The following DARS2 variants were observed in gnomAD, a reference collection of about 807,000 sequenced individuals.
The protein encoded by DARS2 is aspartyl-tRNA synthetase 2, mitochondrial, also known as aspartate--tRNA ligase, mitochondrial.
DARS2 carries 63 observed loss-of-function variants against 83.0 expected under a neutral mutation model. The observed-to-expected ratio is 0.76, with a 90% confidence interval of 0.62 to 0.94. The LOEUF (loss-of-function observed/expected upper bound fraction) is 0.94, where lower values mean the gene tolerates loss of function less well. Ranked by LOEUF, DARS2 falls within the 40% of genes least tolerant of loss-of-function variation. The probability of loss-of-function intolerance (pLI) is 0.00; values close to 1 mark genes in which losing one functional copy is unlikely to be tolerated. For missense variants in DARS2, 675 were observed against 774.4 expected, an observed-to-expected ratio of 0.87 and a Z score of 1.52; for synonymous variants, 250 against 269.3, an observed-to-expected ratio of 0.93 and a Z score of 0.70.
At position 173,824,883 on chromosome 1, in the gene DARS2, C is replaced by T. The variant is rs1471625144; in HGVS notation, c.-347C>T. The T allele has an allele frequency of 5.8e-6, 2 of 345,800 alleles. No homozygotes were observed. Among genetic ancestry groups the T allele is most frequent in the African/African-American group, 2.1e-5 (1 of 46,630 alleles). The allele number at this position is 345,800 out of a possible 1,614,324, so 21.4% of individuals were successfully genotyped here. A position where few individuals can be genotyped will look rare whatever the true frequency, so the allele number is the denominator to read the frequency against. ...AGGAGAAGGGCGTATACCTTGTGAC[C>T]GCCTCTGGTTGTCTTGGGCTCGCGC... On this transcript the variant is annotated 5_prime_UTR_variant, in exon 1 of 17. Transcript: ENST00000649689.
chr1:173,842,341 C>T (rs1653261685), intron 11 of DARS2, among the ~76,000 whole-genome samples: 1 of 118,716 alleles, frequency 8.4e-6, no homozygotes, highest in Non-Finnish European at 1.6e-5. Context: ...CTCTGTCGCC[C>T]AGGCTGGAGT....
At chr1:173,855,475 G>T (rs1309544662) in intron 15 of DARS2, among the ~76,000 whole-genome samples, 1 of 151,586 alleles carries the variant, frequency 6.6e-6, no homozygotes, top group East Asian at 2.0e-4. Flanking sequence ...TTGTTTGTTT[G>T]TTTGATTTTA....
At chr1:173,843,043 C>T (rs1653291119) in intron 11 of DARS2, among the ~76,000 whole-genome samples, 1 of 151,902 alleles carries the variant, frequency 6.6e-6, no homozygotes, top group Non-Finnish European at 1.5e-5. Context: ...ATTATTTACA[C>T]CATTTCAAGT....
chr1:173,834,577 CTACTT>C (rs1652907264), intron 7 of DARS2, 58 bp downstream of exon 7: 2 of 1,383,680 alleles, frequency 1.4e-6, no homozygotes. Flanking sequence ...TAAAGCTAGA[CTACTT>C]TGCTTTTATA....
intron 2 of DARS2, among the ~76,000 whole-genome samples, chr1:173,827,503 C>T (rs151185848): frequency 3.0e-4 from 46 of 152,176 alleles, no homozygotes; most frequent in African/African-American, 9.6e-4. Flanking sequence ...GGGTGATGCT[C>T]GTCTGTAATT....
rs577318793 is a variant in DARS2 at position 173,829,483 on chromosome 1, A to C, written c.294+1084A>C. On this transcript the variant is annotated intron_variant, in intron 3 of 16. Coordinates refer to ENST00000649689, the MANE Select transcript of DARS2 (RefSeq NM_018122.5). Reference sequence around the variant, plus strand: ...GATATTCTGAAAAAAAAATTTTTTTAATTAAAAAATTCAAGGCCAGGCATG... The same window carrying C: ...GATATTCTGAAAAAAAAATTTTTTTCATTAAAAAATTCAAGGCCAGGCATG... Among the ~76,000 whole-genome samples the C allele has an allele frequency of 8.5e-5, 13 of 152,258 alleles. No individual in the cohort carries two copies. In the South Asian group the frequency reaches 2.5e-3, roughly 29 times the overall value.
chr1:173,828,501 GT>G, intron 3 of DARS2, 102 bp downstream of exon 3: 1 of 1,100,060 alleles, frequency 9.1e-7, no homozygotes, highest in Non-Finnish European at 1.4e-6. Context: ...AAATTCAGAA[GT>G]TTATTGTTAA....
intron 2 of DARS2, 147 bp from the exon 3 acceptor site, chr1:173,828,186 A>C: frequency 2.4e-6 from 2 of 831,948 alleles, no homozygotes; most frequent in South Asian, 1.7e-5. Context: ...CATAATTATC[A>C]TAAAAAACAT....
intron 13 of DARS2, among the ~76,000 whole-genome samples, chr1:173,850,914 C>G (rs1653637061): frequency 6.6e-6 from 1 of 151,846 alleles, no homozygotes; most frequent in African/African-American, 2.4e-5. Flanking sequence ...CTGCATAAAT[C>G]TTATAGTGCT....
chr1:173,840,942 C>G lies in DARS2; in HGVS notation c.1097C>G (p.Thr366Ser), dbSNP rs563955620. 1.9e-6 allele frequency: 3 copies of G among 1,610,770 alleles called. No homozygotes were observed. In the African/African-American group the frequency reaches 4.0e-5, roughly 22 times the overall value. ...GATGCACTTAGTAAGCCCCATGGAA[C>G]TGTGAAAGCCATATGTATCCCTGAA... is the stretch of plus-strand genomic sequence containing the variant. ...LQDALSKPHG[T>S]VKAICIPEGA... is the part of the protein sequence containing the mutation. The change falls in exon 11 of 17, where the codon ACT (threonine) becomes AGT (serine). Residue 366 changes from threonine to serine, a missense_variant. Thr to Ser is a moderately conservative substitution (Grantham distance 58, BLOSUM62 1). Coordinates refer to ENST00000649689, the MANE Select transcript of DARS2 (RefSeq NM_018122.5).
At chr1:173,847,811 CTCTGTACCT>C (rs941628121) in intron 12 of DARS2, among the ~76,000 whole-genome samples, 48 of 146,422 alleles carry the variant, frequency 3.3e-4, no homozygotes, top group Non-Finnish European at 5.1e-4. Context: ...CACCTAGTTA[CTCTGTACCT>C]TCTGCACAGC....
rs1557852998 is a variant in DARS2 at position 173,826,782 on chromosome 1, C to T, written c.223C>T (p.Arg75Ter). The part of the protein sequence containing the change: ...EVTLCGWIQY[R>*]RQNTFLVLRD... ...CACCTTGTGTGGATGGATTCAGTAC[C>T]GAAGGTAAATTGAGAAAGACAGTCT... The change falls in exon 2 of 17, where the codon CGA becomes TGA. Residue 75 changes from arginine (R) to a stop codon, truncating the protein, a stop_gained. Coordinates refer to ENST00000649689, the MANE Select transcript of DARS2 (RefSeq NM_018122.5). LOFTEE classifies it high-confidence loss of function. The T allele has an allele frequency of 1.9e-6, 3 of 1,608,920 alleles. No homozygotes were observed. The highest frequency in any genetic ancestry group is 1.7e-5 in the Admixed American group (1 of 59,946).
Position 173,836,128 on chromosome 1 carries a change from G to A in DARS2, c.664-812G>A, listed in dbSNP as rs7541358. 1.3e-3 allele frequency among the ~76,000 whole-genome samples: 198 copies of A among 152,290 alleles called. 2 individuals carry two copies. The highest frequency in any genetic ancestry group is 4.5e-3 in the African/African-American group (188 of 41,566). On this transcript the variant is annotated intron_variant, in intron 7 of 16. Transcript: ENST00000649689. ...CCAGCTACTTGAGAGGCTGAGGCAG[G>A]AGAACCGCTTGAATCCAGAAGGCAG...
Position 173,838,986 on chromosome 1 carries a change from C to T in DARS2, c.841-381C>T, listed in dbSNP as rs140567037. Among the ~76,000 whole-genome samples the T allele has an allele frequency of 8.8e-3, 1,335 of 152,260 alleles. 22 individuals are homozygous for T. The highest frequency in any genetic ancestry group is 0.031 in the African/African-American group (1,275 of 41,544). On this transcript the variant is annotated intron_variant, in intron 9 of 16. Transcript: ENST00000649689. Reference sequence around the variant, plus strand: ...TCCTGACCTCGTGATCCACCCGCCTCGGCCTCCCAAAGTGCTAGGTTTACA... The same window carrying T: ...TCCTGACCTCGTGATCCACCCGCCTTGGCCTCCCAAAGTGCTAGGTTTACA...
At chr1:173,849,876 T>C (rs1002310334) in intron 12 of DARS2, among the ~76,000 whole-genome samples, 4 of 149,682 alleles carry the variant, frequency 2.7e-5, no homozygotes, top group Non-Finnish European at 5.9e-5. Context: ...TTTTTTTTTT[T>C]TTTTTGAGTC....
In DARS2 at chr1:173,837,272, T is replaced by TAA. The variant is rs372381381; in HGVS notation, c.770+241_770+242dup. ...ATGGTAGTAGATGTGAGAGGGGATT[T>TAA]AAAAAAAAAAAAAAAAGAATAGGTT... On this transcript the variant is annotated intron_variant, in intron 8 of 16. Transcript: ENST00000649689. Among the ~76,000 whole-genome samples the TAA allele has an allele frequency of 3.8e-3, 516 of 135,548 alleles. 15 individuals are homozygous for TAA. In the East Asian group the frequency reaches 0.069, roughly 18 times the overall value. 88.9% of individuals were successfully genotyped at this position (135,548 alleles called of 152,430 possible). A position where few individuals can be genotyped will look rare whatever the true frequency, so the allele number is the denominator to read the frequency against.
chr1:173,830,594 TATA>T, intron 3 of DARS2, 63 bp from the exon 4 acceptor site: 1 of 1,315,672 alleles, frequency 7.6e-7, no homozygotes, highest in Non-Finnish European at 1.1e-6. Flanking sequence ...ACCATCTACT[TATA>T]ATTACTGAAG....
intron 8 of DARS2, among the ~76,000 whole-genome samples, 175 bp from the exon 9 acceptor site, chr1:173,838,015 T>C (rs1653068885): frequency 6.6e-6 from 1 of 152,176 alleles, no homozygotes; most frequent in Non-Finnish European, 1.5e-5. Flanking sequence ...CCTCATGATC[T>C]GCCCGCCTTG....
At chr1:173,847,012 CTA>C (rs994219630) in intron 12 of DARS2, among the ~76,000 whole-genome samples, 31 of 152,170 alleles carry the variant, frequency 2.0e-4, no homozygotes, top group African/African-American at 7.2e-4. Flanking sequence ...TGTAAAAACA[CTA>C]TATTTGTATA....
Sources: allele counts gnomAD v4.1 joint callset (sites outside exome capture counted in the v4.1 genomes callset), GRCh38; gene constraint gnomAD v4.1.1; transcripts MANE v1.5; gene names NCBI Gene and HGNC (gene_info 2026-07-23, HGNC 2026-07-21).